BLTP1: variants seen among roughly 807,000 people sequenced by gnomAD.
The protein encoded by BLTP1 is fragile site-associated protein.
At chr4:122,214,824 C>G in the BLTP1 span, among the ~76,000 whole-genome samples, 7 of 151,756 alleles carry the variant, frequency 4.6e-5, no homozygotes, top group South Asian at 2.1e-4. Context: ...GTTGCGCAGG[C>G]TGGTCTCGAA....
At chr4:122,333,833 A>G in the BLTP1 span, 23 of 1,596,188 alleles carry the variant, frequency 1.4e-5, no homozygotes, top group South Asian at 2.5e-4. Flanking sequence ...TGCCTAGGGT[A>G]AGGGATTAGA....
the BLTP1 span, chr4:122,344,894 C>G: frequency 1.0e-6 from 1 of 984,734 alleles, no homozygotes; most frequent in Non-Finnish European, 1.2e-6. Context: ...AACACTAAAA[C>G]GGGATGAGTG....
the BLTP1 span, among the ~76,000 whole-genome samples, chr4:122,295,383 A>G: frequency 6.6e-6 from 1 of 152,192 alleles, no homozygotes. Flanking sequence ...GTCACTTACA[A>G]TGGGAAACCC....
At chr4:122,235,088 GA>G in the BLTP1 span, 1 of 1,338,426 alleles carries the variant, frequency 7.5e-7, no homozygotes. Context: ...CATTTTGAGA[GA>G]AATTCAGTGT....
At chr4:122,362,279 T>C in the BLTP1 span, 7 of 1,556,136 alleles carry the variant, frequency 4.5e-6, no homozygotes, top group African/African-American at 9.5e-5. Flanking sequence ...CAAATTATGA[T>C]TGTGTCTGTT....
chr4:122,214,311 G>C, the BLTP1 span: 1 of 926,422 alleles, frequency 1.1e-6, no homozygotes. Context: ...GAATTCTTAA[G>C]TAAATTGAAA....
the BLTP1 span, among the ~76,000 whole-genome samples, chr4:122,297,094 G>C: frequency 6.6e-6 from 1 of 152,068 alleles, no homozygotes; most frequent in Non-Finnish European, 1.5e-5. Context: ...CTAAAGAGCT[G>C]CTTCTGCACA....
At chr4:122,278,336 A>T in the BLTP1 span, among the ~76,000 whole-genome samples, 65 of 152,054 alleles carry the variant, frequency 4.3e-4, no homozygotes, top group African/African-American at 1.5e-3. Flanking sequence ...GCACCCTTTA[A>T]TTTTTTTTCT....
At chr4:122,152,938 T>C in the BLTP1 span, 1 of 948,616 alleles carries the variant, frequency 1.1e-6, no homozygotes, top group Non-Finnish European at 1.3e-6. Context: ...CTGCACTGGG[T>C]TGTAGTAGAC....
the BLTP1 span, among the ~76,000 whole-genome samples, chr4:122,178,971 G>A: frequency 6.6e-6 from 1 of 152,168 alleles, no homozygotes. Context: ...TAGCAAGTCT[G>A]TAAGCATTTA....
chr4:122,286,354 G>A, the BLTP1 span: 1 of 747,262 alleles, frequency 1.3e-6, no homozygotes, highest in Non-Finnish European at 1.6e-6. Flanking sequence ...AATAATACTT[G>A]CTGATTGACT....
chr4:122,334,596 TA>T, the BLTP1 span: 1 of 1,559,686 alleles, frequency 6.4e-7, no homozygotes, highest in Non-Finnish European at 8.8e-7. Flanking sequence ...AATTTTTAGT[TA>T]TTACCTACTT....
chr4:122,272,285 A>T, the BLTP1 span: 5 of 1,613,410 alleles, frequency 3.1e-6, no homozygotes, highest in South Asian at 1.1e-5. Flanking sequence ...TGTTACTCTA[A>T]TAGTGTTTGG....
At chr4:122,219,968 G>A in the BLTP1 span, among the ~76,000 whole-genome samples, 1 of 152,096 alleles carries the variant, frequency 6.6e-6, no homozygotes, top group Admixed American at 6.6e-5. Context: ...TTGACCCTGG[G>A]GGTTGAATTA....
the BLTP1 span, chr4:122,288,693 A>AAATCAATC: frequency 1.6e-5 from 4 of 255,416 alleles, no homozygotes; most frequent in African/African-American, 1.1e-4. Context: ...ATAAATAAAT[A>AAATCAATC]AATCTATTTT....
At chr4:122,297,347 C>G in the BLTP1 span, among the ~76,000 whole-genome samples, 1 of 152,180 alleles carries the variant, frequency 6.6e-6, no homozygotes, top group Non-Finnish European at 1.5e-5. Flanking sequence ...ATCAAAACCA[C>G]AATTAGATAC....
At chr4:122,356,391 C>T in the BLTP1 span, among the ~76,000 whole-genome samples, 3 of 152,032 alleles carry the variant, frequency 2.0e-5, no homozygotes, top group Non-Finnish European at 4.4e-5. Flanking sequence ...GCAAATATTC[C>T]AGAATCCAAA....
the BLTP1 span, chr4:122,229,346 C>A: frequency 7.1e-6 from 6 of 844,974 alleles, no homozygotes; most frequent in Non-Finnish European, 8.6e-6. Flanking sequence ...TCACAGACAG[C>A]CACAAAATTT....
chr4:122,346,971 T>G, the BLTP1 span: 6 of 783,996 alleles, frequency 7.7e-6, no homozygotes, highest in Non-Finnish European at 9.3e-6. Flanking sequence ...AGTTTTGTCT[T>G]CTTTGAGATT....
Sources: allele counts gnomAD v4.1 joint callset (sites outside exome capture counted in the v4.1 genomes callset), GRCh38; gene constraint gnomAD v4.1.1; transcripts MANE v1.5; gene names NCBI Gene and HGNC (gene_info 2026-07-23, HGNC 2026-07-21).